Variants in EPB41L2 observed in about 807,000 individuals in gnomAD.
EPB41L2 encodes the protein band 4.1-like protein 2.
Under a neutral mutation model 113.0 loss-of-function variants are expected in EPB41L2, and 43 were observed. The observed-to-expected ratio is 0.38, with a 90% CI of 0.30 to 0.49. The LOEUF is 0.49. Among genes scored for constraint, EPB41L2 ranks in the 20% least tolerant of loss-of-function variants. The probability of loss-of-function intolerance (pLI) is 0.95; values close to 1 mark genes in which losing one functional copy is unlikely to be tolerated. For missense variants in EPB41L2, 1,147 were observed against 1,223.4 expected (o/e 0.94, Z 0.93); for synonymous variants, 442 against 436.7 (o/e 1.01, Z -0.15).
Position 130,980,487 on chromosome 6 carries a change from C to T in EPB41L2, c.-14-23988G>A, listed in dbSNP as rs147360416. ...TAGCAGGAGGAACATCCTGACCCCA[C>T]AGGCCAAAGAGAACAGTAATGGGAA... is the stretch of plus-strand genomic sequence containing the variant. On this transcript the variant is annotated intron_variant, in intron 1 of 19. Transcript: ENST00000337057. 1.7e-3 allele frequency among the ~76,000 whole-genome samples: 251 copies of T among 148,848 alleles called. 1 individual carries two copies. The highest frequency in any genetic ancestry group is 6.1e-3 in the African/African-American group (245 of 40,208).
chr6:130,992,171 A>C (rs1782033817), intron 1 of EPB41L2, among the ~76,000 whole-genome samples: 1 of 152,224 alleles, frequency 6.6e-6, no homozygotes, highest in Admixed American at 6.5e-5. Flanking sequence ...GTGATTTGCG[A>C]AAAGATTCAC....
intron 4 of EPB41L2, among the ~76,000 whole-genome samples, chr6:130,910,543 A>T (rs1193938797): frequency 6.6e-6 from 1 of 152,240 alleles, no homozygotes; most frequent in Non-Finnish European, 1.5e-5. Flanking sequence ...TAATTAAACT[A>T]AAGAGCTTCT....
intron 1 of EPB41L2, among the ~76,000 whole-genome samples, chr6:131,051,211 C>T (rs1490915010): frequency 1.3e-5 from 2 of 151,898 alleles, no homozygotes; most frequent in African/African-American, 4.8e-5. Context: ...TTTTCTACCT[C>T]CCTCTATATA....
chr6:130,975,878 A>T lies in EPB41L2; in HGVS notation c.-14-19379T>A, dbSNP rs77758253. Among the ~76,000 whole-genome samples the T allele has an allele frequency of 2.6e-5, 4 of 152,200 alleles. No homozygotes were observed. In the South Asian group the frequency reaches 8.3e-4, roughly 32 times the overall value. ...GTCTCTACTAAAAATACAAAAAAAA[A>T]TTAGCTGGGCGCGGTGGCATGTGCC... On this transcript the variant is annotated intron_variant, in intron 1 of 19. Transcript: ENST00000337057.
chr6:130,970,846 A>G (rs138202530), intron 1 of EPB41L2, among the ~76,000 whole-genome samples: 2 of 152,104 alleles, frequency 1.3e-5, no homozygotes, highest in African/African-American at 4.8e-5. Flanking sequence ...TCTTCTGTTC[A>G]TGTCTTCCAC....
chr6:130,900,178 T>C (rs1350683402), intron 7 of EPB41L2, among the ~76,000 whole-genome samples: 1 of 152,212 alleles, frequency 6.6e-6, no homozygotes, highest in Non-Finnish European at 1.5e-5. Context: ...ACAACAAATG[T>C]CTATTGAGTA....
At chr6:130,926,347 CATTCT>C (rs928878915) in intron 4 of EPB41L2, among the ~76,000 whole-genome samples, 1 of 152,184 alleles carries the variant, frequency 6.6e-6, no homozygotes, top group African/African-American at 2.4e-5. Flanking sequence ...CCACTGATGA[CATTCT>C]ATTCTGTCTG....
chr6:130,939,421 T>A (rs920254707), intron 3 of EPB41L2, among the ~76,000 whole-genome samples: 43 of 151,086 alleles, frequency 2.8e-4, no homozygotes, highest in Non-Finnish European at 5.0e-4. Flanking sequence ...GCCCGGCTAA[T>A]TTTTTGTATC....
intron 1 of EPB41L2, among the ~76,000 whole-genome samples, chr6:130,967,656 A>G (rs1453996128): frequency 6.6e-6 from 1 of 152,164 alleles, no homozygotes; most frequent in Non-Finnish European, 1.5e-5. Flanking sequence ...CTTCCTCCTC[A>G]CAGGGAAAAG....
chr6:131,048,153 A>AG (rs1232468271), intron 1 of EPB41L2, among the ~76,000 whole-genome samples: 1 of 83,476 alleles, frequency 1.2e-5, no homozygotes, highest in Admixed American at 1.3e-4. Flanking sequence ...AAAAAAAAAA[A>AG]AAAAGAAAAA....
At chr6:130,964,860 C>CTTT (rs1482114785) in intron 1 of EPB41L2, among the ~76,000 whole-genome samples, 1 of 152,024 alleles carries the variant, frequency 6.6e-6, no homozygotes, top group Non-Finnish European at 1.5e-5. Flanking sequence ...TGGTCAAAGC[C>CTTT]ATATAACCAA....
intron 1 of EPB41L2, among the ~76,000 whole-genome samples, chr6:131,060,939 A>C (rs1038361222): frequency 2.0e-5 from 3 of 152,220 alleles, no homozygotes; most frequent in Non-Finnish European, 4.4e-5. Flanking sequence ...AAAGTTAGGA[A>C]AAATTTTACT....
chr6:130,851,673 C>T (rs1308154868), intron 19 of EPB41L2, among the ~76,000 whole-genome samples: 1 of 152,228 alleles, frequency 6.6e-6, no homozygotes, highest in Non-Finnish European at 1.5e-5. Context: ...TCTCTCCCTA[C>T]TACCACACTG....
chr6:130,988,225 T>C (rs1274929459), intron 1 of EPB41L2, among the ~76,000 whole-genome samples: 1 of 152,194 alleles, frequency 6.6e-6, no homozygotes, highest in Admixed American at 6.5e-5. Flanking sequence ...AGTTGAAGTC[T>C]AAATAGCAGA....
intron 19 of EPB41L2, among the ~76,000 whole-genome samples, chr6:130,845,426 G>A (rs1204685474): frequency 6.6e-6 from 1 of 152,112 alleles, no homozygotes. Context: ...CACCCAGGCT[G>A]GGGTGCAGTG....
chr6:130,872,671 A>C, intron 14 of EPB41L2: 56 of 525,212 alleles, frequency 1.1e-4, no homozygotes, highest in Middle Eastern at 8.2e-4. Flanking sequence ...AAAGATGAGA[A>C]TTCTGACAGA....
chr6:131,000,812 C>G (rs1784195803), intron 1 of EPB41L2: 1 of 152,128 alleles, frequency 6.6e-6, no homozygotes, highest in Non-Finnish European at 1.5e-5. Context: ...GGGGCCCAGC[C>G]CTGGGTCAGG....
chr6:130,970,085 A>C (rs1391926840), intron 1 of EPB41L2, among the ~76,000 whole-genome samples: 2 of 152,144 alleles, frequency 1.3e-5, no homozygotes, highest in Non-Finnish European at 2.9e-5. Flanking sequence ...ATATCACAAC[A>C]TATTCCCTTG....
intron 1 of EPB41L2, among the ~76,000 whole-genome samples, chr6:130,965,956 C>G (rs1775036200): frequency 6.6e-6 from 1 of 151,868 alleles, no homozygotes; most frequent in African/African-American, 2.4e-5. Context: ...TTGTGGCTTC[C>G]CTGGGCCACA....
Sources: gnomAD v4.1 joint callset for allele counts (sites outside exome capture counted in the v4.1 genomes callset) on GRCh38, gnomAD v4.1.1 for gene constraint, MANE v1.5 for transcripts, NCBI Gene and HGNC (gene_info 2026-07-23, HGNC 2026-07-21) for gene names.